Variants in GCNA observed in about 807,000 individuals in gnomAD.
The protein encoded by GCNA is germ cell nuclear acidic peptidase.
A neutral mutation model predicts 38.8 loss-of-function variants in GCNA; 3 were observed. The ratio of observed to expected loss-of-function variants is 0.08; its 90% CI spans 0.04 to 0.20. The LOEUF (loss-of-function observed/expected upper bound fraction) is 0.20, where lower values mean the gene tolerates loss of function less well. GCNA is among the 10% of genes least tolerant of loss of function. The pLI is 1.00. For synonymous variants in GCNA, 195 were observed against 240.2 expected (o/e 0.81, Z 1.74); for missense variants, 446 against 578.6 (o/e 0.77, Z 2.35).
chrX:71,608,857 A>C, intron 9 of GCNA, 116 bp from the exon 10 acceptor site: 1 of 869,001 alleles, frequency 1.2e-6, no homozygotes, highest in East Asian at 3.4e-5. Context: ...CCCTGATCTA[A>C]GGAGCTGGAT....
chrX:71,612,890 A>G lies in GCNA; in HGVS notation c.1984A>G (p.Thr662Ala). The G allele has an allele frequency of 8.3e-7, 1 of 1,211,135 alleles. No homozygotes were observed. Among genetic ancestry groups the G allele is most frequent in the Non-Finnish European group, 1.1e-6 (1 of 895,336 alleles). Residue 662 changes from threonine (T) to alanine (A), a missense_variant, in exon 13 of 13, where the codon ACC becomes GCC. Thr to Ala is a moderately conservative substitution (Grantham distance 58). This residue lies in a region of GCNA where 34 missense variants were observed against 33.2 expected (regional missense o/e 1.02). Coordinates refer to ENST00000373696, the MANE Select transcript of GCNA (RefSeq NM_052957.5). The stretch of plus-strand genomic sequence containing the variant: ...TGGCTGCTACACCAAATCGTTGGAC[A>G]CCAGCCGCTTCATCTGTGCCAAATG... ...RIGCYTKSLD[T>A]SRFICAKCKG...
intron 2 of GCNA, among the ~76,000 whole-genome samples, chrX:71,588,813 C>T (rs968071262): frequency 6.3e-5 from 7 of 110,284 alleles, no homozygotes; most frequent in African/African-American, 2.0e-4. Context: ...GGTGACAGAG[C>T]GAGACTCTGT....
At chrX:71,592,845 G>C (rs1318890839) in intron 4 of GCNA, among the ~76,000 whole-genome samples, 1 of 111,008 alleles carries the variant, frequency 9.0e-6, no homozygotes, top group African/African-American at 3.3e-5. Context: ...ACTAGTCTAA[G>C]CCCTTATCAG....
intron 2 of GCNA, among the ~76,000 whole-genome samples, chrX:71,588,688 G>A (rs1044540929): frequency 1.8e-5 from 2 of 110,513 alleles, no homozygotes; most frequent in Non-Finnish European, 1.9e-5. Context: ...TGAGCTGGGC[G>A]TGGTGACACA....
intron 1 of GCNA, among the ~76,000 whole-genome samples, chrX:71,580,083 G>A (rs966376831): frequency 5.8e-5 from 6 of 104,275 alleles, no homozygotes; most frequent in Non-Finnish European, 1.2e-4. Flanking sequence ...AGAGTGGGGA[G>A]TAAAGAGGTA....
chrX:71,611,401 C>T (rs781031744), intron 11 of GCNA, among the ~76,000 whole-genome samples: 1 of 111,774 alleles, frequency 8.9e-6, no homozygotes, highest in Non-Finnish European at 1.9e-5. Context: ...GGTGTGGTGG[C>T]ACCCATCTGT....
At position 71,579,061 on chromosome X, in the gene GCNA, TGGG is replaced by T. The variant is rs773247051; in HGVS notation, c.-3+542_-3+544del. Among the ~76,000 whole-genome samples the T allele has an allele frequency of 4.3e-3, 382 of 89,104 alleles. 2 individuals are homozygous for T. The highest frequency in any genetic ancestry group is 5.6e-3 in the Non-Finnish European group (250 of 44,813). 77.4% of individuals were successfully genotyped at this position (89,104 alleles called of 115,157 possible). ...GAAGTAGGGGCACCATTGGCGGCCT[TGGG>T]GGAAGTGGGAGCGCTGGTGGTGGCG... On this transcript the variant is annotated intron_variant, in intron 1 of 12. Coordinates refer to ENST00000373696, the MANE Select transcript of GCNA (RefSeq NM_052957.5).
intron 7 of GCNA, among the ~76,000 whole-genome samples, chrX:71,600,890 C>T (rs1374379254): frequency 9.0e-6 from 1 of 111,726 alleles, no homozygotes; most frequent in African/African-American, 3.3e-5. Context: ...TTACAGTCAT[C>T]CTGTTGCGCT....
chrX:71,593,502 C>G (rs759694581), intron 4 of GCNA, among the ~76,000 whole-genome samples: 7 of 111,464 alleles, frequency 6.3e-5, no homozygotes, highest in Non-Finnish European at 1.3e-4. Flanking sequence ...GCATAACTCT[C>G]GTAAGTGATA....
intron 7 of GCNA, among the ~76,000 whole-genome samples, chrX:71,601,990 A>G (rs2040719490): frequency 8.9e-6 from 1 of 112,008 alleles, no homozygotes; most frequent in South Asian, 3.7e-4. Context: ...GGTTTGCTGA[A>G]TTGTATGGTA....
chrX:71,608,515 G>T (rs781314885), intron 9 of GCNA, among the ~76,000 whole-genome samples: 5 of 112,235 alleles, frequency 4.5e-5, no homozygotes, highest in Non-Finnish European at 7.5e-5. Flanking sequence ...CTCGTGATCC[G>T]CCTGCCTCGG....
At chrX:71,594,027 C>T (rs1037192959) in intron 4 of GCNA, among the ~76,000 whole-genome samples, 2 of 111,339 alleles carry the variant, frequency 1.8e-5, no homozygotes, top group African/African-American at 6.5e-5. Context: ...CTCTTTCATA[C>T]CTTTAAATAG....
At chrX:71,584,725 G>C (rs1048815718) in intron 2 of GCNA, among the ~76,000 whole-genome samples, 7 of 110,283 alleles carry the variant, frequency 6.3e-5, no homozygotes, top group African/African-American at 2.3e-4. Flanking sequence ...AAATTTAGCT[G>C]GGCGTGGTGG....
chrX:71,608,822 G>A, intron 9 of GCNA, 151 bp from the exon 10 acceptor site: 1 of 680,391 alleles, frequency 1.5e-6, no homozygotes, highest in Non-Finnish European at 2.1e-6. Flanking sequence ...AAGAGAAAAG[G>A]CTACAAATGA....
chrX:71,603,473 A>T, intron 7 of GCNA, 115 bp from the exon 8 acceptor site: 1 of 1,052,916 alleles, frequency 9.5e-7, no homozygotes, highest in Non-Finnish European at 1.3e-6. Context: ...TGCTATTCAA[A>T]ATGTCACAGT....
intron 10 of GCNA, 33 bp downstream of exon 10, chrX:71,609,150 C>T: frequency 8.7e-7 from 1 of 1,153,009 alleles, no homozygotes; most frequent in Non-Finnish European, 1.2e-6. Context: ...GATTGAGCAC[C>T]TGCTATACAC....
chrX:71,611,979 G>A (rs755636967), intron 11 of GCNA, among the ~76,000 whole-genome samples: 1 of 109,921 alleles, frequency 9.1e-6, no homozygotes, highest in Non-Finnish European at 1.9e-5. Context: ...TAGCAGATAA[G>A]AAGAGGATTG....
intron 2 of GCNA, among the ~76,000 whole-genome samples, chrX:71,587,786 CTT>C (rs1342924485): frequency 9.8e-6 from 1 of 102,257 alleles, no homozygotes. Flanking sequence ...TCTTGGATTT[CTT>C]TTTTTTTTTT....
chrX:71,580,336 A>C (rs1454794302), intron 1 of GCNA: 1 of 111,476 alleles, frequency 9.0e-6, no homozygotes, highest in Non-Finnish European at 1.9e-5. Context: ...AAACAAATTT[A>C]AATCCTTTTC....
Sources: allele counts gnomAD v4.1 joint callset (sites outside exome capture counted in the v4.1 genomes callset), GRCh38; gene constraint gnomAD v4.1.1; regional missense constraint gnomAD v4.1.1; transcripts MANE v1.5; gene names NCBI Gene and HGNC (gene_info 2026-07-23, HGNC 2026-07-21).